The following DGKI variants were observed in gnomAD, a reference collection of about 807,000 sequenced individuals.
DGKI encodes the protein diacylglycerol kinase iota.
Under a neutral mutation model 147.5 loss-of-function variants are expected in DGKI, and 55 were observed. The ratio of observed to expected loss-of-function variants is 0.37; its 90% CI spans 0.30 to 0.47. The LOEUF (loss-of-function observed/expected upper bound fraction) is 0.47. DGKI is among the 20% of genes least tolerant of loss of function. DGKI has a pLI of 1.00. For missense variants in DGKI, 1,007 were observed against 1,323.8 expected (o/e 0.76, Z 3.71); for synonymous variants, 469 against 477.1 (o/e 0.98, Z 0.22).
intron 19 of DGKI, among the ~76,000 whole-genome samples, chr7:137,566,851 T>C (rs1818602124): frequency 7.3e-6 from 1 of 136,848 alleles, no homozygotes; most frequent in Admixed American, 6.9e-5. Flanking sequence ...CTTACAGAGA[T>C]TTTGAATTTA....
intron 28 of DGKI, among the ~76,000 whole-genome samples, chr7:137,425,098 C>A (rs1812739184): frequency 6.8e-6 from 1 of 146,666 alleles, no homozygotes; most frequent in Admixed American, 6.6e-5. Context: ...TCAAATGGGT[C>A]CCTGACCCCT....
chr7:137,705,228 GACC>G (rs1563158952), intron 1 of DGKI, among the ~76,000 whole-genome samples: 2 of 151,920 alleles, frequency 1.3e-5, no homozygotes, highest in Middle Eastern at 3.2e-3. Context: ...TATGCAATAT[GACC>G]CAGAAATTTC....
At chr7:137,705,845 G>A (rs1435324501) in intron 1 of DGKI, among the ~76,000 whole-genome samples, 1 of 152,020 alleles carries the variant, frequency 6.6e-6, no homozygotes, top group Non-Finnish European at 1.5e-5. Flanking sequence ...TATTCAATGT[G>A]ATCATGAAAT....
chr7:137,577,300 A>G lies in DGKI; in HGVS notation c.1699-16T>C. 1 of 1,564,894 alleles carries G rather than the reference A, an allele frequency of 6.4e-7. No homozygotes were observed. The highest frequency in any genetic ancestry group is 2.2e-5 in the East Asian group (1 of 44,544). Reference sequence around the variant, plus strand: ...AAAAAGCTGCCTATACCACAGGGAAATAAAGAAGAAGAAATTCGTAATTAC... The same window carrying G: ...AAAAAGCTGCCTATACCACAGGGAAGTAAAGAAGAAGAAATTCGTAATTAC... On this transcript the variant is annotated splice_polypyrimidine_tract_variant and intron_variant, in intron 16 of 32. Coordinates refer to ENST00000614521, the MANE Select transcript of DGKI (RefSeq NM_001321708.2).
intron 20 of DGKI, among the ~76,000 whole-genome samples, chr7:137,523,355 T>G (rs998023002): frequency 6.6e-6 from 1 of 152,086 alleles, no homozygotes; most frequent in Non-Finnish European, 1.5e-5. Flanking sequence ...AATCCCACTT[T>G]ACTCACCCAA....
chr7:137,619,616 A>G (rs905775450), intron 8 of DGKI, among the ~76,000 whole-genome samples: 3 of 152,180 alleles, frequency 2.0e-5, no homozygotes, highest in African/African-American at 7.2e-5. Flanking sequence ...CTTTGAATTC[A>G]TTAGGATGGG....
At chr7:137,491,652 G>T (rs994311374) in intron 21 of DGKI, among the ~76,000 whole-genome samples, 1 of 152,194 alleles carries the variant, frequency 6.6e-6, no homozygotes, top group Non-Finnish European at 1.5e-5. Context: ...AGGAGTATTA[G>T]AACAAAACAT....
intron 17 of DGKI, among the ~76,000 whole-genome samples, chr7:137,576,101 C>T (rs1161179901): frequency 3.5e-5 from 5 of 144,678 alleles, no homozygotes; most frequent in East Asian, 2.0e-4. Context: ...TGCAGTGGTG[C>T]GGTCTCGGCT....
intron 21 of DGKI, among the ~76,000 whole-genome samples, chr7:137,505,029 GAAAACCAA>G (rs1404627924): frequency 7.4e-6 from 1 of 134,556 alleles, no homozygotes; most frequent in Non-Finnish European, 1.5e-5. Flanking sequence ...CACAAGGACA[GAAAACCAA>G]ACACCGCATG....
At chr7:137,501,658 C>T (rs972486003) in intron 21 of DGKI, among the ~76,000 whole-genome samples, 3 of 152,184 alleles carry the variant, frequency 2.0e-5, no homozygotes, top group Non-Finnish European at 2.9e-5. Context: ...CATTCTGGCA[C>T]AACCTTTAGC....
chr7:137,700,483 A>G (rs954101196), intron 1 of DGKI, among the ~76,000 whole-genome samples: 4 of 152,144 alleles, frequency 2.6e-5, no homozygotes, highest in Non-Finnish European at 5.9e-5. Context: ...CTCTTCTCAC[A>G]TTTCTTATTT....
At chr7:137,479,257 A>G (rs1212837248) in intron 23 of DGKI, among the ~76,000 whole-genome samples, 1 of 152,194 alleles carries the variant, frequency 6.6e-6, no homozygotes, top group Non-Finnish European at 1.5e-5. Flanking sequence ...AAATATAATA[A>G]TCTTCTAAAA....
intron 3 of DGKI, among the ~76,000 whole-genome samples, chr7:137,675,534 A>T (rs975394841): frequency 2.6e-5 from 4 of 151,824 alleles, no homozygotes; most frequent in Admixed American, 2.0e-4. Context: ...AAAATACAAA[A>T]ATCAGCTGGG....
chr7:137,780,317 T>C (rs1175201127), intron 1 of DGKI, among the ~76,000 whole-genome samples: 2 of 152,246 alleles, frequency 1.3e-5, no homozygotes, highest in African/African-American at 4.8e-5. Context: ...AATGATGATG[T>C]GAGCTAAACT....
chr7:137,633,548 T>G (rs1384753795), intron 6 of DGKI, among the ~76,000 whole-genome samples: 1 of 152,176 alleles, frequency 6.6e-6, no homozygotes, highest in East Asian at 1.9e-4. Flanking sequence ...AGTGCCACCC[T>G]TAAAGACTAA....
chr7:137,496,316 A>G (rs1815962561), intron 21 of DGKI, among the ~76,000 whole-genome samples: 1 of 152,168 alleles, frequency 6.6e-6, no homozygotes, highest in Admixed American at 6.5e-5. Flanking sequence ...GAGATGACAC[A>G]AACAAATAGA....
At position 137,656,451 on chromosome 7, in the gene DGKI, G is replaced by T. The variant is rs1166185433; in HGVS notation, c.681+15C>A. On this transcript the variant is annotated intron_variant, in intron 4 of 32. Transcript: ENST00000614521. ...TTGCAATGTAACAAAACTGCAGCAGGGGGCGCGCTCTTACCTTTTCTAGCT... is the reference window on the plus strand; with the variant it reads ...TTGCAATGTAACAAAACTGCAGCAGTGGGCGCGCTCTTACCTTTTCTAGCT... 6.2e-7 allele frequency: 1 copy of T among 1,613,684 alleles called. No homozygotes were observed. Among genetic ancestry groups the T allele is most frequent in the Non-Finnish European group, 8.5e-7 (1 of 1,179,698 alleles).
At chr7:137,392,972 T>C (rs1209735329) in intron 32 of DGKI, among the ~76,000 whole-genome samples, 2 of 152,326 alleles carry the variant, frequency 1.3e-5, no homozygotes, top group East Asian at 3.9e-4. Flanking sequence ...TATTATTTCA[T>C]GTGGTAAGAC....
chr7:137,577,179 A>C, intron 17 of DGKI, 43 bp downstream of exon 17: 1 of 1,394,706 alleles, frequency 7.2e-7, no homozygotes, highest in South Asian at 1.2e-5. Flanking sequence ...TGTGGCAGTC[A>C]TATCATATTC....
Sources: gnomAD v4.1 joint callset for allele counts (sites outside exome capture counted in the v4.1 genomes callset) on GRCh38, gnomAD v4.1.1 for gene constraint, MANE v1.5 for transcripts, NCBI Gene and HGNC (gene_info 2026-07-23, HGNC 2026-07-21) for gene names.